Variants in EPHA6 observed in about 807,000 individuals in gnomAD.
The protein encoded by EPHA6 is EPH receptor A6.
A neutral mutation model predicts 112.0 loss-of-function variants in EPHA6; 50 were observed. That is an observed-to-expected ratio of 0.45 (90% CI 0.36 to 0.56). EPHA6 has a LOEUF of 0.56. Ranked by LOEUF, EPHA6 falls within the 20% of genes least tolerant of loss-of-function variation. EPHA6 has a pLI of 0.00. For synonymous variants in EPHA6, 529 were observed against 490.7 expected (o/e 1.08, Z -1.03); for missense variants, 1,280 against 1,417.4 (o/e 0.90, Z 1.56).
intron 3 of EPHA6, among the ~76,000 whole-genome samples, chr3:97,169,436 C>A (rs1216156239): frequency 6.6e-6 from 1 of 152,076 alleles, no homozygotes; most frequent in Admixed American, 6.6e-5. Flanking sequence ...TTTAGGCATT[C>A]TTTTTGCTCT....
chr3:97,479,183 G>A (rs1265658308), intron 8 of EPHA6, 111 bp from the exon 9 acceptor site: 1 of 578,188 alleles, frequency 1.7e-6, no homozygotes, highest in African/African-American at 1.9e-5. Context: ...TATTTTAAAA[G>A]TGGTCTTTAT....
At chr3:96,904,010 G>T (rs1208318250) in intron 2 of EPHA6, among the ~76,000 whole-genome samples, 9 of 152,128 alleles carry the variant, frequency 5.9e-5, no homozygotes, top group African/African-American at 2.2e-4. Context: ...GTGTTGGTGG[G>T]ACTGTAAACT....
intron 12 of EPHA6, among the ~76,000 whole-genome samples, chr3:97,597,513 G>C (rs535143809): frequency 2.0e-5 from 3 of 152,252 alleles, no homozygotes; most frequent in African/African-American, 7.2e-5. Context: ...CAAATACCAA[G>C]CATTTTGACA....
intron 3 of EPHA6, among the ~76,000 whole-genome samples, chr3:97,157,155 A>G (rs569591120): frequency 2.6e-5 from 4 of 152,268 alleles, no homozygotes; most frequent in Admixed American, 2.6e-4. Flanking sequence ...AAGTGCTTCA[A>G]TCTTAGTAAG....
intron 14 of EPHA6, among the ~76,000 whole-genome samples, chr3:97,649,420 C>T (rs2094091376): frequency 6.6e-6 from 1 of 151,974 alleles, no homozygotes; most frequent in Admixed American, 6.6e-5. Flanking sequence ...CACAGCCAAA[C>T]CATATAATCT....
chr3:97,335,849 G>T (rs2083031315), intron 5 of EPHA6, among the ~76,000 whole-genome samples: 1 of 152,042 alleles, frequency 6.6e-6, no homozygotes, highest in Non-Finnish European at 1.5e-5. Flanking sequence ...GGATAATTTG[G>T]TGGCCAGTGA....
At chr3:97,010,887 T>C (rs1467651656) in intron 3 of EPHA6, among the ~76,000 whole-genome samples, 1 of 152,184 alleles carries the variant, frequency 6.6e-6, no homozygotes, top group Admixed American at 6.5e-5. Context: ...ATTTCATATT[T>C]ATTTGTCTTC....
At chr3:97,477,926 T>C (rs866445303) in intron 8 of EPHA6, among the ~76,000 whole-genome samples, 34 of 152,114 alleles carry the variant, frequency 2.2e-4, no homozygotes, top group African/African-American at 8.2e-4. Flanking sequence ...AAAATAGGTA[T>C]GATGGTTGAT....
chr3:97,361,830 A>C (rs758571071), intron 5 of EPHA6, among the ~76,000 whole-genome samples: 5 of 152,216 alleles, frequency 3.3e-5, no homozygotes, highest in Non-Finnish European at 7.3e-5. Context: ...ATTAAATTTC[A>C]ACATGAGTTT....
At chr3:97,157,510 G>T (rs995988019) in intron 3 of EPHA6, among the ~76,000 whole-genome samples, 1 of 151,568 alleles carries the variant, frequency 6.6e-6, no homozygotes, top group Non-Finnish European at 1.5e-5. Flanking sequence ...ACCTTCTGTC[G>T]AGAGAGAGAG....
At chr3:97,159,897 G>A (rs986105404) in intron 3 of EPHA6, among the ~76,000 whole-genome samples, 2 of 152,144 alleles carry the variant, frequency 1.3e-5, no homozygotes, top group South Asian at 2.1e-4. Flanking sequence ...TTATTCCTGT[G>A]AGAACAAAAT....
intron 3 of EPHA6, among the ~76,000 whole-genome samples, chr3:97,069,282 A>G (rs571922609): frequency 6.6e-5 from 10 of 152,298 alleles, no homozygotes; most frequent in Non-Finnish European, 8.8e-5. Flanking sequence ...TAAATTTACT[A>G]TTCATTAAGC....
At chr3:97,384,022 A>G (rs1335433035) in intron 5 of EPHA6, among the ~76,000 whole-genome samples, 1 of 152,192 alleles carries the variant, frequency 6.6e-6, no homozygotes, top group African/African-American at 2.4e-5. Context: ...TCTATATGGC[A>G]TTTCAGTATG....
At chr3:97,605,789 G>C (rs1489160291) in intron 12 of EPHA6, among the ~76,000 whole-genome samples, 1 of 151,538 alleles carries the variant, frequency 6.6e-6, no homozygotes, top group Non-Finnish European at 1.5e-5. Context: ...AATGAGGTTG[G>C]TAATTTGATG....
At chr3:97,079,908 T>C (rs905401955) in intron 3 of EPHA6, among the ~76,000 whole-genome samples, 1 of 152,192 alleles carries the variant, frequency 6.6e-6, no homozygotes, top group East Asian at 1.9e-4. Context: ...AGGTTTTTTT[T>C]TTTTTTGCAA....
intron 14 of EPHA6, among the ~76,000 whole-genome samples, chr3:97,649,317 G>A (rs2094090679): frequency 6.6e-6 from 1 of 151,956 alleles, no homozygotes; most frequent in South Asian, 2.1e-4. Context: ...ACAACAGTAT[G>A]GGGGAAACCA....
chr3:97,317,716 A>G (rs2081912645), intron 5 of EPHA6, among the ~76,000 whole-genome samples: 1 of 152,010 alleles, frequency 6.6e-6, no homozygotes, highest in Non-Finnish European at 1.5e-5. Flanking sequence ...CATCCAAAGA[A>G]TCCTTCAGGA....
intron 3 of EPHA6, among the ~76,000 whole-genome samples, chr3:97,026,147 A>G (rs1229596674): frequency 3.7e-5 from 5 of 134,286 alleles, no homozygotes; most frequent in South Asian, 2.3e-4. Context: ...TTTTTTTACC[A>G]GTACCATGCT....
chr3:97,458,851 A>T (rs1403349155), intron 7 of EPHA6, among the ~76,000 whole-genome samples: 1 of 152,166 alleles, frequency 6.6e-6, no homozygotes, highest in Admixed American at 6.5e-5. Flanking sequence ...ATATTAATAA[A>T]TGGGCCAGAT....
Sources: gnomAD v4.1 joint callset for allele counts (sites outside exome capture counted in the v4.1 genomes callset) on GRCh38, gnomAD v4.1.1 for gene constraint, MANE v1.5 for transcripts, NCBI Gene and HGNC (gene_info 2026-07-23, HGNC 2026-07-21) for gene names.